Variants in ASNS observed in about 807,000 individuals in gnomAD.
ASNS encodes the protein asparagine synthetase [glutamine-hydrolyzing].
A neutral mutation model predicts 62.6 loss-of-function variants in ASNS; 37 were observed. The observed-to-expected ratio is 0.59, with a 90% CI of 0.45 to 0.78. The LOEUF is 0.78. Among genes scored for constraint, ASNS ranks in the 30% least tolerant of loss-of-function variants. The pLI is 0.00. For synonymous variants in ASNS, 207 were observed against 237.9 expected (o/e 0.87, Z 1.19); for missense variants, 520 against 682.4 (o/e 0.76, Z 2.65).
the ASNS span, among the ~76,000 whole-genome samples, chr7:97,905,911 C>A: frequency 2.0e-5 from 3 of 152,172 alleles, no homozygotes; most frequent in East Asian, 1.9e-4. Context: ...CAAGTCATTA[C>A]CCTCCCCGCT....
intron 1 of ASNS, among the ~76,000 whole-genome samples, chr7:97,871,175 T>C (rs1396415138): frequency 6.6e-6 from 1 of 152,224 alleles, no homozygotes; most frequent in East Asian, 1.9e-4. Flanking sequence ...AACATATATG[T>C]AATCAATATA....
chr7:97,875,354 G>A (rs1415635575), upstream of ASNS, among the ~76,000 whole-genome samples: 1 of 152,158 alleles, frequency 6.6e-6, no homozygotes, highest in Non-Finnish European at 1.5e-5. Flanking sequence ...AGCCAGGCTG[G>A]TCTTGAACTC....
intron 4 of ASNS, among the ~76,000 whole-genome samples, chr7:97,860,901 T>C (rs1267469353): frequency 6.6e-6 from 1 of 152,192 alleles, no homozygotes; most frequent in Non-Finnish European, 1.5e-5. Context: ...GCTGGTCTCA[T>C]ATTTAAGAAA....
the ASNS span, among the ~76,000 whole-genome samples, chr7:97,912,605 CAG>C: frequency 8.9e-6 from 1 of 112,014 alleles, no homozygotes; most frequent in Non-Finnish European, 1.7e-5. Context: ...TGTTTTCAGA[CAG>C]AGCCTCGCTC....
chr7:97,864,680 A>C (rs1791882037), intron 3 of ASNS, among the ~76,000 whole-genome samples, 184 bp from the exon 4 acceptor site: 1 of 152,220 alleles, frequency 6.6e-6, no homozygotes, highest in South Asian at 2.1e-4. Flanking sequence ...AATTCTGTTC[A>C]ACATAAAGCC....
At chr7:97,886,350 T>C in the ASNS span, among the ~76,000 whole-genome samples, 17 of 152,042 alleles carry the variant, frequency 1.1e-4, no homozygotes, top group Non-Finnish European at 2.2e-4. Context: ...GGTTTCACCA[T>C]GTTGGCCAGG....
the ASNS span, among the ~76,000 whole-genome samples, chr7:97,900,376 A>AC: frequency 1.1e-4 from 16 of 151,214 alleles, no homozygotes; most frequent in Non-Finnish European, 2.2e-4. Flanking sequence ...AAAAAAAAAA[A>AC]AAAAAAAACA....
At chr7:97,920,399 C>T in the ASNS span, among the ~76,000 whole-genome samples, 2 of 152,002 alleles carry the variant, frequency 1.3e-5, no homozygotes, top group African/African-American at 4.8e-5. Flanking sequence ...CTCAAACCAC[C>T]CCCCAATGCC....
chr7:97,852,769 T>G (rs1791244306), intron 12 of ASNS, among the ~76,000 whole-genome samples: 1 of 152,192 alleles, frequency 6.6e-6, no homozygotes, highest in Admixed American at 6.5e-5. Flanking sequence ...CAGTGATGAT[T>G]AGTAGTAAGT....
chr7:97,923,785 C>T, the ASNS span, among the ~76,000 whole-genome samples: 1 of 152,204 alleles, frequency 6.6e-6, no homozygotes, highest in African/African-American at 2.4e-5. Flanking sequence ...GACCATTCAC[C>T]TCCAGTACCT....
the ASNS span, among the ~76,000 whole-genome samples, chr7:97,919,218 T>C: frequency 6.6e-6 from 1 of 152,020 alleles, no homozygotes; most frequent in Non-Finnish European, 1.5e-5. Flanking sequence ...TGGGTTCCAG[T>C]GATTCTCTTG....
rs1197522886 is a variant in ASNS, at chr7:97,871,886, G to A, written c.-60+465C>T. ...AAAGCAGACACCGAGACGGTGATAA[G>A]GCCGCAGTCTCTTCCTAGATCAGGA... On this transcript the variant is annotated intron_variant, in intron 1 of 12. Transcript: ENST00000394308. 3.3e-5 allele frequency: 5 copies of A among 152,280 alleles called. No homozygotes were observed. The East Asian group carries it at 9.6e-4, about 29-fold the overall frequency. The allele number at this position is 152,280 out of a possible 1,614,324, so 9.4% of individuals were successfully genotyped here. A position where few individuals can be genotyped will look rare whatever the true frequency, so the allele number is the denominator to read the frequency against.
chr7:97,882,538 TTAAATAAATAAATAAA>T, the ASNS span, among the ~76,000 whole-genome samples: 544 of 130,874 alleles, frequency 4.2e-3, 6 homozygotes, highest in African/African-American at 0.014. Context: ...CAGAGAGAGA[TTAAATAAATAAATAAA>T]TAAATAAATA....
At chr7:97,862,449 G>A (rs982847411) in intron 4 of ASNS, among the ~76,000 whole-genome samples, 16 of 152,282 alleles carry the variant, frequency 1.1e-4, no homozygotes, top group African/African-American at 3.8e-4. Flanking sequence ...TGACTGGGGG[G>A]TTAGGAGGAA....
chr7:97,864,602 T>C, intron 3 of ASNS, 106 bp from the exon 4 acceptor site: 1 of 771,524 alleles, frequency 1.3e-6, no homozygotes, highest in Non-Finnish European at 2.2e-6. Context: ...AATCCTTTCA[T>C]GCACTTTGGT....
intron 4 of ASNS, among the ~76,000 whole-genome samples, chr7:97,861,564 T>A (rs548874405): frequency 2.0e-5 from 3 of 152,206 alleles, no homozygotes; most frequent in African/African-American, 7.2e-5. Flanking sequence ...TTATTACCAT[T>A]GTCTTGTAGT....
At chr7:97,923,556 C>T in the ASNS span, among the ~76,000 whole-genome samples, 8 of 152,174 alleles carry the variant, frequency 5.3e-5, no homozygotes, top group South Asian at 1.7e-3. Context: ...TGTCCGTCTC[C>T]ACTCTCATCC....
chr7:97,881,905 C>T, the ASNS span, among the ~76,000 whole-genome samples: 3 of 152,034 alleles, frequency 2.0e-5, no homozygotes, highest in Admixed American at 6.5e-5. Context: ...CCAGCTGATA[C>T]GCCTCATGGG....
chr7:97,884,347 G>C, the ASNS span, among the ~76,000 whole-genome samples: 2 of 152,122 alleles, frequency 1.3e-5, no homozygotes, highest in East Asian at 1.9e-4. Context: ...TCACGAGTTC[G>C]AGATCAGCCT....
Sources: allele counts gnomAD v4.1 joint callset (sites outside exome capture counted in the v4.1 genomes callset), GRCh38; gene constraint gnomAD v4.1.1; transcripts MANE v1.5; gene names NCBI Gene and HGNC (gene_info 2026-07-23, HGNC 2026-07-21).